The following CMC4 variants were observed in gnomAD, a reference collection of about 807,000 sequenced individuals.
The protein encoded by CMC4 is cx9C motif-containing protein 4.
A neutral mutation model predicts 5.1 loss-of-function variants in CMC4; 4 were observed. The observed-to-expected ratio is 0.78, with a 90% CI of 0.38 to 1.78. CMC4 has a LOEUF of 1.78. Ranked by LOEUF, CMC4 falls within the 40% of genes most tolerant of loss-of-function variation. The pLI is 0.04. For synonymous variants in CMC4, 23 were observed against 18.9 expected, an observed-to-expected ratio of 1.22 and a Z score of -0.57; for missense variants, 52 against 51.3, an observed-to-expected ratio of 1.01 and a Z score of -0.04.
chrX:155,063,333 C>T (rs1312377958), intron 2 of CMC4, among the ~76,000 whole-genome samples: 1 of 112,266 alleles, frequency 8.9e-6, no homozygotes, highest in Non-Finnish European at 1.9e-5. Flanking sequence ...CCATCTATTA[C>T]TTTACTAGTG....
chrX:155,063,987 C>T lies in CMC4; in HGVS notation c.37G>A (p.Glu13Lys). 1 of 1,196,441 alleles carries T rather than the reference C, an allele frequency of 8.4e-7. No individual in the cohort carries two copies. The highest frequency in any genetic ancestry group is 3.0e-5 in the East Asian group (1 of 33,543). Residue 13 changes from glutamate (E) to lysine (K), a missense_variant, in exon 2 of 3, where the codon GAG becomes AAG. Physicochemically the swap from Glu to Lys is moderately conservative, Grantham distance 56. Transcript: ENST00000369484. The stretch of plus-strand genomic sequence containing the variant: ...CTACCTTGTAAACATTTCTGTATCT[C>T]ACAGGCTTGCTTCTGGCACGGATCC... ...QKDPCQKQAC[E>K]IQKCLQANSY...
chrX:155,065,550 G>T, intron 1 of CMC4: 2 of 1,211,195 alleles, frequency 1.7e-6, no homozygotes, highest in Non-Finnish European at 2.2e-6. Context: ...GTCAGAAAAA[G>T]AAAAGTTTAT....
chrX:155,070,116 G>A (rs2073966010), intron 1 of CMC4, among the ~76,000 whole-genome samples: 1 of 112,218 alleles, frequency 8.9e-6, no homozygotes, highest in African/African-American at 3.2e-5. Flanking sequence ...GGCTGCTGGC[G>A]TGCACATTAC....
chrX:155,066,029 A>G (rs1557291997), intron 1 of CMC4: 1 of 1,159,928 alleles, frequency 8.6e-7, no homozygotes, highest in East Asian at 3.0e-5. Context: ...TTGGGTTCCA[A>G]TTCTAGCCCT....
intron 2 of CMC4, 118 bp from the exon 3 acceptor site, chrX:155,062,109 A>C: frequency 1.4e-6 from 1 of 703,372 alleles, no homozygotes; most frequent in Non-Finnish European, 2.0e-6. Context: ...GGAAGAAAGA[A>C]GATATACCAA....
rs781908889 is a variant in CMC4, at chrX:155,061,792, G to A, written c.*51C>T. ...GCTACCTGGCCTGAAGAGTCAGGAG[G>A]ATAAAAAAAATTCATTTGGTGGAAA... On this transcript the variant is annotated 3_prime_UTR_variant, in exon 3 of 3. Coordinates refer to ENST00000369484, the MANE Select transcript of CMC4 (RefSeq NM_001018024.3). The A allele has an allele frequency of 8.4e-7, 1 of 1,186,542 alleles. No individual in the cohort carries two copies. The highest frequency in any genetic ancestry group is 2.3e-5 in the Admixed American group (1 of 43,800).
chrX:155,065,454 G>T (rs2073944608), intron 1 of CMC4: 1 of 1,175,704 alleles, frequency 8.5e-7, no homozygotes, highest in Admixed American at 2.2e-5. Flanking sequence ...AAACAAAGAG[G>T]GGGAGGACAG....
rs782492749 is a variant in CMC4 at position 155,063,744 on chromosome X, AGATCTCCAGGTGAT to A, written c.58+208_58+221del. Among the ~76,000 whole-genome samples the A allele has an allele frequency of 2.9e-3, 328 of 112,131 alleles. 1 individual carries two copies. Among genetic ancestry groups the A allele is most frequent in the Non-Finnish European group, 4.0e-3 (215 of 53,145 alleles). ...TGAATTGTTCTAGGTAAGTGTTTAA[AGATCTCCAGGTGAT>A]GCTAATCACCTGGAGTGAAAACCCC... On this transcript the variant is annotated intron_variant, in intron 2 of 2. Transcript: ENST00000369484.
intron 1 of CMC4, chrX:155,065,989 C>A: frequency 3.3e-6 from 4 of 1,210,079 alleles, no homozygotes; most frequent in Non-Finnish European, 4.5e-6. Context: ...TCGGGTGGAG[C>A]CCCCACATCC....
intron 1 of CMC4, among the ~76,000 whole-genome samples, chrX:155,069,239 T>C (rs1019613592): frequency 8.9e-6 from 1 of 112,623 alleles, no homozygotes; most frequent in Non-Finnish European, 1.9e-5. Context: ...TTTTTAAACA[T>C]TGATCAGTTG....
chrX:155,067,662 AC>A (rs2073953920), intron 1 of CMC4, among the ~76,000 whole-genome samples: 1 of 112,405 alleles, frequency 8.9e-6, no homozygotes, highest in Non-Finnish European at 1.9e-5. Context: ...AAACAAAGTC[AC>A]CTTACACATT....
At chrX:155,063,879 A>T in intron 2 of CMC4, 87 bp downstream of exon 2, 1 of 686,627 alleles carries the variant, frequency 1.5e-6, no homozygotes, top group Non-Finnish European at 2.2e-6. Context: ...TTCTTAAAAA[A>T]GAGTTAATAC....
chrX:155,067,782 A>G (rs1242581368), intron 1 of CMC4, among the ~76,000 whole-genome samples: 1 of 112,507 alleles, frequency 8.9e-6, no homozygotes, highest in Non-Finnish European at 1.9e-5. Context: ...GTACTGGTCA[A>G]GCAATGTTTC....
At chrX:155,067,465 A>G (rs2073953167) in intron 1 of CMC4, among the ~76,000 whole-genome samples, 1 of 111,569 alleles carries the variant, frequency 9.0e-6, no homozygotes, top group Non-Finnish European at 1.9e-5. Flanking sequence ...AGTTGAGACC[A>G]ACTTTCCCCA....
intron 2 of CMC4, among the ~76,000 whole-genome samples, chrX:155,063,081 C>CT (rs781996060): frequency 1.2e-4 from 13 of 112,049 alleles, no homozygotes; most frequent in African/African-American, 4.2e-4. Context: ...ATGCAAAAAA[C>CT]TTTTTCCTTT....
At chrX:155,067,842 G>A (rs1458067616) in intron 1 of CMC4, among the ~76,000 whole-genome samples, 2 of 111,803 alleles carry the variant, frequency 1.8e-5, no homozygotes, top group South Asian at 3.7e-4. Context: ...ACAAAGGAAC[G>A]CCACAGTGGT....
chrX:155,069,915 G>A (rs1557292303), intron 1 of CMC4, among the ~76,000 whole-genome samples: 2 of 112,153 alleles, frequency 1.8e-5, no homozygotes, highest in Non-Finnish European at 3.8e-5. Context: ...AGCCGTTCCT[G>A]CTCCATGAGG....
chrX:155,062,615 A>T (rs1044623649), intron 2 of CMC4, among the ~76,000 whole-genome samples: 2 of 112,015 alleles, frequency 1.8e-5, no homozygotes, highest in Admixed American at 1.9e-4. Context: ...GACCTGACCT[A>T]AAGACTCTAG....
chrX:155,067,116 C>A (rs782627429), intron 1 of CMC4, among the ~76,000 whole-genome samples: 1 of 111,717 alleles, frequency 9.0e-6, no homozygotes, highest in East Asian at 2.8e-4. Context: ...CTGCTATTCT[C>A]ATTAGGTGGG....
Sources: gnomAD v4.1 joint callset for allele counts (sites outside exome capture counted in the v4.1 genomes callset) on GRCh38, gnomAD v4.1.1 for gene constraint, MANE v1.5 for transcripts, NCBI Gene and HGNC (gene_info 2026-07-23, HGNC 2026-07-21) for gene names.